TP53BP1: variants seen among roughly 807,000 people sequenced by gnomAD.
TP53BP1 encodes tumor protein p53 binding protein 1.
A neutral mutation model predicts 200.8 loss-of-function variants in TP53BP1; 61 were observed. That is an observed-to-expected ratio of 0.30 (90% CI 0.25 to 0.38). TP53BP1 has a LOEUF of 0.38. Ranked by LOEUF, TP53BP1 falls within the 10% of genes least tolerant of loss-of-function variation. The pLI is 1.00. For synonymous variants in TP53BP1, 822 were observed against 844.3 expected (o/e 0.97, Z 0.46); for missense variants, 2,144 against 2,371.9 (o/e 0.90, Z 2.00).
At chr15:43,488,656 G>A (rs1387678083) in intron 4 of TP53BP1, among the ~76,000 whole-genome samples, 2 of 152,234 alleles carry the variant, frequency 1.3e-5, no homozygotes, top group African/African-American at 4.8e-5. Context: ...CACTTTGGGA[G>A]ACTGAGGCAA....
intron 12 of TP53BP1, among the ~76,000 whole-genome samples, chr15:43,454,097 C>T (rs951228880): frequency 2.6e-5 from 4 of 151,304 alleles, no homozygotes; most frequent in Non-Finnish European, 4.4e-5. Context: ...CCCAGCTACT[C>T]GAGAGGCTGA....
chr15:43,424,332 C>A (rs1350664619), intron 18 of TP53BP1, among the ~76,000 whole-genome samples: 1 of 152,138 alleles, frequency 6.6e-6, no homozygotes, highest in East Asian at 1.9e-4. Context: ...AGTTGTTATC[C>A]ACTAACATTC....
intron 12 of TP53BP1, among the ~76,000 whole-genome samples, chr15:43,450,726 A>G (rs1172077327): frequency 6.6e-6 from 1 of 152,194 alleles, no homozygotes; most frequent in Admixed American, 6.5e-5. Flanking sequence ...CAAGTTATCT[A>G]TAAATGGAGA....
chr15:43,453,190 T>A, intron 12 of TP53BP1, among the ~76,000 whole-genome samples: 1 of 66,908 alleles, frequency 1.5e-5, no homozygotes, highest in Non-Finnish European at 2.3e-5. Context: ...TGAGACTCCG[T>A]CTCAAAAAAA....
At chr15:43,495,920 A>C (rs2079180638), upstream of TP53BP1, among the ~76,000 whole-genome samples, 6 of 152,358 alleles carry the variant, frequency 3.9e-5, no homozygotes, top group South Asian at 1.2e-3. Context: ...AAAACTGTTA[A>C]GAAAAACTAT....
Position 43,421,907 on chromosome 15 carries a change from C to T in TP53BP1, c.4048G>A (p.Glu1350Lys), listed in dbSNP as rs1303713105. Residue 1350 changes from glutamate (E) to lysine (K), a missense_variant, in exon 19 of 28, where the codon GAA becomes AAA. This residue lies in a region of TP53BP1 where 1,700 missense variants were observed against 1,710.3 expected (regional missense o/e 0.99). Transcript: ENST00000382044. Reference sequence around the variant, plus strand: ...CTGGGTAAGGCAAAATCTGCGGGTTCTGTCCCGCTGGTTTTCCCTCTGAGT... The same window carrying T: ...CTGGGTAAGGCAAAATCTGCGGGTTTTGTCCCGCTGGTTTTCCCTCTGAGT... ...GPLRGKTSGT[E>K]PADFALPSSR... 1.2e-6 allele frequency: 2 copies of T among 1,614,096 alleles called. No individual in the cohort carries two copies. Among genetic ancestry groups the T allele is most frequent in the African/African-American group, 1.3e-5 (1 of 74,934 alleles).
intron 12 of TP53BP1, among the ~76,000 whole-genome samples, chr15:43,452,456 G>C (rs553530936): frequency 1.3e-5 from 2 of 151,488 alleles, no homozygotes; most frequent in South Asian, 2.1e-4. Flanking sequence ...TTCTCGGGGC[G>C]GGGGGCTGAA....
rs915511949 is a variant in TP53BP1 at position 43,438,516 on chromosome 15, G to C, written c.3099-100C>G. 7.0e-6 allele frequency: 7 copies of C among 998,764 alleles called. No individual in the cohort carries two copies. In the African/African-American group the frequency reaches 9.9e-5, roughly 14 times the overall value. 61.9% of individuals were successfully genotyped at this position (998,764 alleles called of 1,614,324 possible). On this transcript the variant is annotated intron_variant, in intron 15 of 27. Transcript: ENST00000382044. ...ACAGAGGAAATAAAATGCTTTCTCTGCATATCAAACTCCAAACCACCTTAC... is the reference window on the plus strand; with the variant it reads ...ACAGAGGAAATAAAATGCTTTCTCTCCATATCAAACTCCAAACCACCTTAC...
intron 18 of TP53BP1, among the ~76,000 whole-genome samples, chr15:43,426,077 A>C (rs1212791377): frequency 6.6e-6 from 1 of 151,794 alleles, no homozygotes; most frequent in Non-Finnish European, 1.5e-5. Context: ...AAAAAAAAAA[A>C]CAAAAAATAT....
chr15:43,470,123 T>C (rs2046690582), intron 10 of TP53BP1, 57 bp from the exon 11 acceptor site: 14 of 1,393,454 alleles, frequency 1.0e-5, no homozygotes, highest in Non-Finnish European at 1.4e-5. Flanking sequence ...ATTACTCATG[T>C]TCCAAAACCA....
chr15:43,424,601 A>G (rs552761817), intron 18 of TP53BP1, among the ~76,000 whole-genome samples: 1 of 152,382 alleles, frequency 6.6e-6, no homozygotes, highest in South Asian at 2.1e-4. Flanking sequence ...ATTTAAGTTT[A>G]GTAGTGCTTC....
At chr15:43,492,123 CA>C (rs1390878536) in intron 2 of TP53BP1, 28 bp from the exon 3 acceptor site, 2 of 1,563,260 alleles carry the variant, frequency 1.3e-6, no homozygotes, top group African/African-American at 2.7e-5. Context: ...AAAATATCCC[CA>C]TTATATATGA....
intron 14 of TP53BP1, among the ~76,000 whole-genome samples, chr15:43,442,573 C>T (rs1416851704): frequency 6.6e-6 from 1 of 151,908 alleles, no homozygotes; most frequent in South Asian, 2.1e-4. Context: ...TCTCGACTTG[C>T]TGCAACCTGT....
intron 14 of TP53BP1, among the ~76,000 whole-genome samples, chr15:43,443,274 A>C (rs1212613898): frequency 1.3e-5 from 2 of 152,212 alleles, no homozygotes; most frequent in African/African-American, 4.8e-5. Flanking sequence ...TTAAAAATAA[A>C]AGAACTTAAT....
intron 17 of TP53BP1, among the ~76,000 whole-genome samples, chr15:43,429,637 G>C (rs924934929): frequency 1.3e-5 from 2 of 152,168 alleles, no homozygotes; most frequent in Non-Finnish European, 2.9e-5. Context: ...GAAACTGGCA[G>C]AGGTGAAATA....
At position 43,422,018 on chromosome 15, in the gene TP53BP1, TGGA is replaced by T. The variant is rs1248458809; in HGVS notation, c.3934_3936del (p.Ser1312del). 5.6e-6 allele frequency: 9 copies of T among 1,614,084 alleles called. No individual in the cohort carries two copies. In the South Asian group the frequency reaches 8.8e-5, roughly 16 times the overall value. On this transcript the variant is annotated inframe_deletion, in exon 19 of 28. Transcript: ENST00000382044. ...GATGTGCGGTGTAAGCTGGATGCCT[TGGA>T]GGAGAAGGAGCTGATATCCCCCAGG...
At position 43,492,932 on chromosome 15, in the gene TP53BP1, C is replaced by T; in HGVS notation, c.7+105G>A. ...GGGCCCTCCAACCCCTTCCCCGTCA[C>T]CGCCGCCATGCTTGCCACCCCGCCC... On this transcript the variant is annotated intron_variant, in intron 1 of 27. Coordinates refer to ENST00000382044, the MANE Select transcript of TP53BP1 (RefSeq NM_001141980.3). 2.2e-6 allele frequency: 3 copies of T among 1,386,668 alleles called. No homozygotes were observed. The South Asian group carries it at 3.7e-5, about 17-fold the overall frequency. 85.9% of individuals were successfully genotyped at this position (1,386,668 alleles called of 1,614,324 possible). A position where few individuals can be genotyped will look rare whatever the true frequency, so the allele number is the denominator to read the frequency against.
intron 7 of TP53BP1, among the ~76,000 whole-genome samples, chr15:43,479,045 T>A (rs981953509): frequency 6.6e-6 from 1 of 152,160 alleles, no homozygotes; most frequent in Admixed American, 6.5e-5. Flanking sequence ...ACTCCATTTC[T>A]ACAACAAAAA....
At chr15:43,409,798 C>T (rs1413450691) in intron 24 of TP53BP1, 57 bp from the exon 25 acceptor site, 2 of 811,308 alleles carry the variant, frequency 2.5e-6, no homozygotes, top group African/African-American at 3.6e-5. Flanking sequence ...TTATTTGCTA[C>T]CTTATGCCTC....
Sources: gnomAD v4.1 joint callset for allele counts (sites outside exome capture counted in the v4.1 genomes callset) on GRCh38, gnomAD v4.1.1 for gene constraint, gnomAD v4.1.1 regional missense constraint, MANE v1.5 for transcripts, NCBI Gene and HGNC (gene_info 2026-07-23, HGNC 2026-07-21) for gene names.